The following PDXDC1 variants were observed in gnomAD, a reference collection of about 807,000 sequenced individuals.
PDXDC1 encodes the protein pyridoxal-dependent decarboxylase domain-containing protein 1.
Under a neutral mutation model 100.1 loss-of-function variants are expected in PDXDC1, and 42 were observed. The observed-to-expected ratio is 0.42, with a 90% CI of 0.33 to 0.54. The LOEUF is 0.54. PDXDC1 is among the 20% of genes least tolerant of loss of function. PDXDC1 has a pLI of 0.10. For synonymous variants in PDXDC1, 260 were observed against 371.7 expected, an observed-to-expected ratio of 0.70 and a Z score of 3.46; for missense variants, 636 against 979.2, an observed-to-expected ratio of 0.65 and a Z score of 4.68.
intron 16 of PDXDC1, among the ~76,000 whole-genome samples, chr16:15,077,237 C>G (rs1371084212): frequency 6.6e-6 from 1 of 152,018 alleles, no homozygotes; most frequent in Non-Finnish European, 1.5e-5. Context: ...CCTCAGCTTC[C>G]CAAAGTGCTG....
At chr16:15,087,282 G>A (rs532278198) in intron 16 of PDXDC1, among the ~76,000 whole-genome samples, 2 of 152,304 alleles carry the variant, frequency 1.3e-5, no homozygotes, top group East Asian at 3.9e-4. Context: ...CATGGTGCCT[G>A]ACACTCCACA....
chr16:15,134,899 A>C, intron 16 of PDXDC1: 2 of 347,522 alleles, frequency 5.8e-6, no homozygotes, highest in Non-Finnish European at 1.1e-5. Context: ...CCACGGGCTC[A>C]GGGTCACCAA....
At chr16:15,067,373 G>A (rs919408656) in intron 16 of PDXDC1, among the ~76,000 whole-genome samples, 3 of 106,418 alleles carry the variant, frequency 2.8e-5, no homozygotes, top group South Asian at 3.4e-4. Flanking sequence ...ATGACTTTAG[G>A]CAAGTGATTT....
intron 5 of PDXDC1, among the ~76,000 whole-genome samples, chr16:15,006,146 T>C (rs1218317858): frequency 2.6e-5 from 4 of 152,294 alleles, no homozygotes; most frequent in Non-Finnish European, 5.9e-5. Context: ...TGGTCTCTAC[T>C]TGTTTTCATA....
chr16:14,980,270 C>T (rs1967655162), intron 1 of PDXDC1, among the ~76,000 whole-genome samples: 1 of 152,260 alleles, frequency 6.6e-6, no homozygotes, highest in Non-Finnish European at 1.5e-5. Flanking sequence ...CATCTGTTGT[C>T]ACCTAAAGCA....
chr16:15,024,458 G>T (rs2042433302), intron 13 of PDXDC1, among the ~76,000 whole-genome samples: 1 of 148,252 alleles, frequency 6.7e-6, no homozygotes, highest in Non-Finnish European at 1.5e-5. Flanking sequence ...CCAGACTGGA[G>T]TGCAGTGGTG....
intron 16 of PDXDC1, among the ~76,000 whole-genome samples, chr16:15,059,365 A>C (rs2044633155): frequency 6.6e-6 from 1 of 152,196 alleles, no homozygotes; most frequent in South Asian, 2.1e-4. Flanking sequence ...AAGAAATAGA[A>C]GTTATCTTTA....
chr16:15,097,184 C>A (rs1207565255), intron 16 of PDXDC1, among the ~76,000 whole-genome samples: 1 of 151,746 alleles, frequency 6.6e-6, no homozygotes, highest in Non-Finnish European at 1.5e-5. Context: ...GGGAGAATCA[C>A]TTGAACCCAG....
chr16:14,985,281 C>CTTTTTT (rs769346480), intron 1 of PDXDC1, among the ~76,000 whole-genome samples: 35 of 114,502 alleles, frequency 3.1e-4, no homozygotes, highest in Non-Finnish European at 5.2e-4. Context: ...TGATAAACAA[C>CTTTTTT]TTTTTTTTTT....
In PDXDC1 at chr16:15,091,899, C is replaced by A. The variant is rs532020259; in HGVS notation, c.1400-46980C>A. 2.0e-5 allele frequency among the ~76,000 whole-genome samples: 3 copies of A among 152,292 alleles called. No individual in the cohort carries two copies. In the South Asian group the frequency reaches 6.2e-4, roughly 32 times the overall value. The stretch of plus-strand genomic sequence containing the variant: ...TCCTCAAAAAATAAAATGCTGTAGG[C>A]CAGGCATGGTGGCTCACGTCTGTAA... On this transcript the variant is annotated intron_variant, in intron 16 of 16. Transcript: ENST00000535621.
rs565842562 is a variant in PDXDC1 at position 15,037,969 on chromosome 16, G to T, written c.*1694G>T. 2 of 1,271,632 alleles carry T rather than the reference G, an allele frequency of 1.6e-6. No homozygotes were observed. The highest frequency in any genetic ancestry group is 1.5e-5 in the African/African-American group (1 of 67,886). The allele number at this position is 1,271,632 out of a possible 1,614,324, so 78.8% of individuals were successfully genotyped here. On this transcript the variant is annotated 3_prime_UTR_variant, in exon 23 of 23. Coordinates refer to ENST00000396410, the MANE Select transcript of PDXDC1 (RefSeq NM_015027.4). ...AGATGTAGGATCCAGATCTGGATTC[G>T]TGCCAGCCCCACCAATGGTCTGTCA...
At chr16:14,985,935 C>CA (rs1331006768) in intron 1 of PDXDC1, among the ~76,000 whole-genome samples, 1 of 152,122 alleles carries the variant, frequency 6.6e-6, no homozygotes, top group Non-Finnish European at 1.5e-5. Flanking sequence ...CATGTCTCTC[C>CA]AAAAAATTTT....
At chr16:15,142,182 T>C (rs2048486031), downstream of PDXDC1, among the ~76,000 whole-genome samples, 1 of 152,068 alleles carries the variant, frequency 6.6e-6, no homozygotes, top group Non-Finnish European at 1.5e-5. Flanking sequence ...TGGCTGCTGC[T>C]GGGAGCTGAC....
intron 16 of PDXDC1, chr16:15,060,209 A>G (rs1258767704): frequency 5.1e-6 from 2 of 392,016 alleles, no homozygotes; most frequent in Non-Finnish European, 1.0e-5. Context: ...ACTTACTACT[A>G]ATTTCTGGGG....
At chr16:15,031,955 A>T (rs2151639154) in intron 17 of PDXDC1, 49 bp downstream of exon 17, 1 of 1,447,798 alleles carries the variant, frequency 6.9e-7, no homozygotes, top group Middle Eastern at 1.8e-4. Context: ...CTGTATAAAG[A>T]ACATGAGTGG....
intron 16 of PDXDC1, among the ~76,000 whole-genome samples, chr16:15,070,576 C>T (rs1597901961): frequency 6.6e-6 from 1 of 152,082 alleles, no homozygotes; most frequent in African/African-American, 2.4e-5. Context: ...AAACAGGACA[C>T]GTTCACCAAC....
At chr16:15,040,296 A>T (rs2043755390), downstream of PDXDC1, 1 of 417,602 alleles carries the variant, frequency 2.4e-6, no homozygotes. Context: ...TTTGTTCTAA[A>T]CCAAGAGCTG....
chr16:15,133,172 T>C, intron 16 of PDXDC1: 2 of 933,920 alleles, frequency 2.1e-6, no homozygotes, highest in African/African-American at 1.6e-5. Context: ...GGGCCCGGGA[T>C]AAGCCCTCCG....
intron 16 of PDXDC1, among the ~76,000 whole-genome samples, chr16:15,095,984 C>G (rs28360901): frequency 0.78 from 117,724 of 151,700 alleles, 46,893 homozygotes; most frequent in Admixed American, 0.87. Flanking sequence ...AAACTGAGGA[C>G]GGAGGATCAC....
Sources: gnomAD v4.1 joint callset for allele counts (sites outside exome capture counted in the v4.1 genomes callset) on GRCh38, gnomAD v4.1.1 for gene constraint, MANE v1.5 for transcripts, NCBI Gene and HGNC (gene_info 2026-07-23, HGNC 2026-07-21) for gene names.